Variants in METTL24 observed in about 807,000 individuals in gnomAD.
METTL24 encodes methyltransferase like 24, also known as probable methyltransferase-like protein 24.
METTL24 carries 29 observed loss-of-function variants against 32.7 expected under a neutral mutation model. The ratio of observed to expected loss-of-function variants is 0.89; its 90% confidence interval spans 0.66 to 1.21. The LOEUF (loss-of-function observed/expected upper bound fraction) is 1.21. Ranked by LOEUF, METTL24 falls within the 50% of genes most tolerant of loss-of-function variation. The pLI, the probability that METTL24 is intolerant of heterozygous loss-of-function variation, is 0.00. For missense variants in METTL24, 439 were observed against 468.1 expected (o/e 0.94, Z 0.57); for synonymous variants, 163 against 179.5 (o/e 0.91, Z 0.73).
At chr6:110,306,988 C>A (rs1347981219) in intron 3 of METTL24, among the ~76,000 whole-genome samples, 1 of 152,160 alleles carries the variant, frequency 6.6e-6, no homozygotes, top group Non-Finnish European at 1.5e-5. Context: ...CAATCTTGCT[C>A]ATTTCTAAGT....
chr6:110,293,978 T>A (rs1364646924), intron 4 of METTL24, among the ~76,000 whole-genome samples: 2 of 152,170 alleles, frequency 1.3e-5, no homozygotes, highest in East Asian at 3.9e-4. Flanking sequence ...ACATTAATTA[T>A]GATGTCAGCT....
intron 4 of METTL24, among the ~76,000 whole-genome samples, chr6:110,264,914 T>C (rs976971336): frequency 2.0e-5 from 3 of 151,840 alleles, no homozygotes; most frequent in Admixed American, 6.6e-5. Context: ...TAGGTGGGAA[T>C]TGAACAATGA....
At position 110,357,940 on chromosome 6, in the gene METTL24, C is replaced by A; in HGVS notation, c.318+15G>T. The A allele has an allele frequency of 2.5e-6, 3 of 1,208,672 alleles. No homozygotes were observed. The East Asian group carries it at 1.0e-4, about 41-fold the overall frequency. 74.9% of individuals were successfully genotyped at this position (1,208,672 alleles called of 1,614,324 possible). A position where few individuals can be genotyped will look rare whatever the true frequency, so the allele number is the denominator to read the frequency against. ...TTCTGGTCCCAGGCCCAAGACCGAC[C>A]GCTTTGCAACTGACCTTCCGGCGGG... On this transcript the variant is annotated intron_variant, in intron 1 of 4. Transcript: ENST00000338882.
intron 4 of METTL24, among the ~76,000 whole-genome samples, chr6:110,247,837 T>G (rs1349398859): frequency 6.6e-6 from 1 of 152,230 alleles, no homozygotes. Context: ...GGCTCAAACG[T>G]GAGGCTCCTT....
At chr6:110,299,226 C>G (rs956501965) in intron 3 of METTL24, 76 bp from the exon 4 acceptor site, 1 of 1,278,182 alleles carries the variant, frequency 7.8e-7, no homozygotes, top group African/African-American at 1.5e-5. Context: ...GATGACAGTT[C>G]CAAGGCCAAG....
chr6:110,261,966 A>G (rs1454789527), intron 4 of METTL24, among the ~76,000 whole-genome samples: 1 of 152,204 alleles, frequency 6.6e-6, no homozygotes. Flanking sequence ...CATTTAAAGC[A>G]GTGTGTAGAG....
chr6:110,274,306 T>C (rs1771007231), intron 4 of METTL24, among the ~76,000 whole-genome samples: 1 of 152,228 alleles, frequency 6.6e-6, no homozygotes, highest in African/African-American at 2.4e-5. Context: ...TTGGCCAGGC[T>C]GGTCTTGAAC....
At chr6:110,306,090 AG>A (rs1408227667) in intron 3 of METTL24, among the ~76,000 whole-genome samples, 1 of 150,762 alleles carries the variant, frequency 6.6e-6, no homozygotes, top group East Asian at 2.0e-4. Context: ...CTCACTCATA[AG>A]TGGGAGCTGA....
intron 3 of METTL24, among the ~76,000 whole-genome samples, chr6:110,308,387 A>C (rs9487368): frequency 0.19 from 28,359 of 152,116 alleles, 3,596 homozygotes; most frequent in African/African-American, 0.36. Context: ...TTCTCCAGGA[A>C]CAAAAAACTC....
chr6:110,307,365 T>C (rs1163396575), intron 3 of METTL24, among the ~76,000 whole-genome samples: 1 of 152,244 alleles, frequency 6.6e-6, no homozygotes, highest in Admixed American at 6.5e-5. Context: ...GAAATCATGT[T>C]CTGCTGCTAT....
At chr6:110,325,922 G>A (rs1772009451) in intron 1 of METTL24, among the ~76,000 whole-genome samples, 1 of 152,162 alleles carries the variant, frequency 6.6e-6, no homozygotes, top group South Asian at 2.1e-4. Flanking sequence ...TGCACAGGCT[G>A]GTCAGAGTTT....
chr6:110,357,852 G>A lies in METTL24; in HGVS notation c.318+103C>T, dbSNP rs531769529. The A allele has an allele frequency of 3.8e-4, 187 of 496,008 alleles. 2 individuals carry two copies. Among genetic ancestry groups the A allele is most frequent in the African/African-American group, 3.5e-3 (171 of 48,808 alleles). The allele number at this position is 496,008 out of a possible 1,614,324, so 30.7% of individuals were successfully genotyped here. A position where few individuals can be genotyped will look rare whatever the true frequency, so the allele number is the denominator to read the frequency against. The stretch of plus-strand genomic sequence containing the variant: ...AAGAGAAGAAGCGGAAGCCTCCGGA[G>A]GTCCCATCGAGGCGGCCTGCGGGAC... On this transcript the variant is annotated intron_variant, in intron 1 of 4. Coordinates refer to ENST00000338882, the MANE Select transcript of METTL24 (RefSeq NM_001123364.3).
chr6:110,310,295 C>T (rs1468807949), intron 3 of METTL24, among the ~76,000 whole-genome samples: 1 of 152,154 alleles, frequency 6.6e-6, no homozygotes, highest in Non-Finnish European at 1.5e-5. Context: ...AAATATGTAC[C>T]TATGTATTAG....
At chr6:110,314,514 A>G (rs1042454022) in intron 3 of METTL24, among the ~76,000 whole-genome samples, 3 of 152,152 alleles carry the variant, frequency 2.0e-5, no homozygotes, top group African/African-American at 4.8e-5. Context: ...AATTTTTCTC[A>G]AACAGTTTTG....
chr6:110,307,805 C>T (rs77001737), intron 3 of METTL24, among the ~76,000 whole-genome samples: 1,849 of 152,282 alleles, frequency 0.012, 30 homozygotes, highest in East Asian at 0.041. Context: ...GCAGTTAACA[C>T]GTATATTCAA....
chr6:110,270,310 C>G (rs1289671775), intron 4 of METTL24, among the ~76,000 whole-genome samples: 1 of 151,854 alleles, frequency 6.6e-6, no homozygotes, highest in Admixed American at 6.6e-5. Context: ...ATTGCTGATG[C>G]CTGGGAGGTT....
At chr6:110,254,100 A>G in intron 4 of METTL24, 1 of 547,030 alleles carries the variant, frequency 1.8e-6, no homozygotes, top group Non-Finnish European at 2.9e-6. Flanking sequence ...TTTATTCTTA[A>G]CAGCTTTTGT....
intron 1 of METTL24, among the ~76,000 whole-genome samples, chr6:110,325,374 A>G (rs1239734130): frequency 6.6e-6 from 1 of 152,234 alleles, no homozygotes; most frequent in Non-Finnish European, 1.5e-5. Context: ...AAGCAGCCAT[A>G]GACAGTAAGT....
intron 2 of METTL24, among the ~76,000 whole-genome samples, chr6:110,320,355 A>G (rs1771909812): frequency 6.6e-6 from 1 of 152,138 alleles, no homozygotes; most frequent in South Asian, 2.1e-4. Flanking sequence ...GTTCTAAATG[A>G]GGCATAAGCC....
Sources: gnomAD v4.1 joint callset for allele counts (sites outside exome capture counted in the v4.1 genomes callset) on GRCh38, gnomAD v4.1.1 for gene constraint, MANE v1.5 for transcripts, NCBI Gene and HGNC (gene_info 2026-07-23, HGNC 2026-07-21) for gene names.